The following HSPG2 variants were observed in gnomAD, a reference collection of about 807,000 sequenced individuals.
The protein encoded by HSPG2 is basement membrane-specific heparan sulfate proteoglycan core protein.
A neutral mutation model predicts 526.6 loss-of-function variants in HSPG2; 278 were observed. The observed-to-expected ratio is 0.53, with a 90% CI of 0.48 to 0.58. HSPG2 has a LOEUF of 0.58. Ranked by LOEUF, HSPG2 falls within the 20% of genes least tolerant of loss-of-function variation. The pLI is 0.00. For synonymous variants in HSPG2, 2,465 were observed against 2,555.4 expected (o/e 0.96, Z 1.07); for missense variants, 5,354 against 6,099.5 (o/e 0.88, Z 4.07).
At chr1:21,843,063 T>A (rs1428670535) in intron 66 of HSPG2, 142 bp from the exon 67 acceptor site, 2 of 1,079,052 alleles carry the variant, frequency 1.9e-6, no homozygotes, top group African/African-American at 3.1e-5. Context: ...AAGAAGGGTC[T>A]CCTTTCCCTG....
intron 91 of HSPG2, chr1:21,825,127 T>C (rs2097966639): frequency 5.6e-6 from 2 of 356,146 alleles, no homozygotes; most frequent in Admixed American, 8.1e-5. Flanking sequence ...TTTACACATA[T>C]TGCTGCTTTG....
intron 9 of HSPG2, among the ~76,000 whole-genome samples, chr1:21,886,616 C>A (rs188447397): frequency 1.6e-3 from 247 of 152,230 alleles, no homozygotes; most frequent in African/African-American, 5.5e-3. Context: ...TGTCAGGATG[C>A]CCGTAATGTC....
chr1:21,852,304 G>A (rs1408002007), intron 52 of HSPG2, 71 bp from the exon 53 acceptor site: 4 of 1,582,566 alleles, frequency 2.5e-6, no homozygotes, highest in Non-Finnish European at 2.6e-6. Context: ...TGCCCACCCT[G>A]CAGCTAGCTC....
chr1:21,838,937 C>A lies in HSPG2; in HGVS notation c.10038G>T (p.Arg3346Ser). The A allele has an allele frequency of 2.5e-6, 4 of 1,612,448 alleles. No homozygotes were observed. The highest frequency in any genetic ancestry group is 2.5e-6 in the Non-Finnish European group (3 of 1,179,126). Residue 3346 changes from arginine (R) to serine (S), a missense_variant, in exon 74 of 97, where the codon AGG becomes AGT. Transcript: ENST00000374695. ...GSSLPGRATA[R>S]NELLHFERAA... is the part of the protein sequence containing the mutation. ...CACGCTCAAAGTGCAGCAGCTCGTT[C>A]CTGGCGGTCGCCCTCCCAGGAAGGC...
chr1:21,855,672 C>T lies in HSPG2; in HGVS notation c.5705G>A (p.Gly1902Asp), dbSNP rs553885469. The T allele has an allele frequency of 3.2e-4, 504 of 1,576,774 alleles. 1 individual carries two copies. The highest frequency in any genetic ancestry group is 1.9e-4 in the Non-Finnish European group (220 of 1,164,092). Residue 1902 changes from glycine to aspartate, a missense_variant, in exon 46 of 97, where the codon GGC (glycine) becomes GAC (aspartate). By Grantham distance (94) the Gly-to-Asp change is moderately conservative. Transcript: ENST00000374695. The part of the protein sequence containing the change: ...SPTPTLEWTG[G>D]PGGQLPAKAQ... ...CTTCGCAGGGAGCTGGCCGCCGGGG[C>T]CCCCTGACGAGTAGACGTGGGGTCA...
chr1:21,840,096 C>T, intron 71 of HSPG2, 79 bp from the exon 72 acceptor site: 1 of 1,152,584 alleles, frequency 8.7e-7, no homozygotes, highest in Non-Finnish European at 1.3e-6. Context: ...GCTTGGTCTT[C>T]CCTATTTCCT....
chr1:21,887,194 G>A lies in HSPG2; in HGVS notation c.1078+21C>T, dbSNP rs749625114. 1.3e-6 allele frequency: 2 copies of A among 1,599,568 alleles called. No individual in the cohort carries two copies. Among genetic ancestry groups the A allele is most frequent in the Non-Finnish European group, 1.7e-6 (2 of 1,173,980 alleles). On this transcript the variant is annotated intron_variant, in intron 9 of 96. Coordinates refer to ENST00000374695, the MANE Select transcript of HSPG2 (RefSeq NM_005529.7). The surrounding 1 kb of genome is among the most constrained non-coding windows in gnomAD (Gnocchi z 5.0). The stretch of plus-strand genomic sequence containing the variant: ...GCCTGGGCAGGGCAAGGGGGCCTCA[G>A]CTGGACCCTCGGATACTCACGGCAG...
chr1:21,849,258 G>A (rs1638699260), intron 57 of HSPG2, among the ~76,000 whole-genome samples: 1 of 152,232 alleles, frequency 6.6e-6, no homozygotes, highest in South Asian at 2.1e-4. Flanking sequence ...TGGCACCAGA[G>A]AAAAGTGGGG....
At chr1:21,843,552 G>A in intron 65 of HSPG2, 114 bp from the exon 66 acceptor site, 1 of 1,119,728 alleles carries the variant, frequency 8.9e-7, no homozygotes, top group Non-Finnish European at 1.3e-6. Context: ...GCATCCTGTT[G>A]GAGGCGACCC....
In HSPG2 at chr1:21,848,962, C is replaced by A. The variant is rs1207382505; in HGVS notation, c.7516G>T (p.Val2506Phe). Residue 2506 changes from valine to phenylalanine, a missense_variant, in exon 58 of 97, where the codon GTC becomes TTC. Val to Phe is a conservative substitution (Grantham distance 50, BLOSUM62 -1). Transcript: ENST00000374695. The surrounding 1 kb of genome is among the most constrained non-coding windows in gnomAD (Gnocchi z 4.9). ...ADSGEYVCRVVGSSGTQEASV... is the reference protein window; with the variant it reads ...ADSGEYVCRVFGSSGTQEASV... The stretch of plus-strand genomic sequence containing the variant: ...GCTTCCTGGGTACCTGAGCTGCCGA[C>A]CACACGGCACACGTACTCCCCTGAA... 3 of 1,613,936 alleles carry A rather than the reference C, an allele frequency of 1.9e-6. No homozygotes were observed. The highest frequency in any genetic ancestry group is 1.7e-5 in the Admixed American group (1 of 60,006).
At chr1:21,908,624 A>C in intron 1 of HSPG2, 1 of 634,040 alleles carries the variant, frequency 1.6e-6, no homozygotes, top group Non-Finnish European at 2.8e-6. Context: ...TGTTAAAAAA[A>C]AAAAAGTGTT....
In HSPG2 at chr1:21,876,659, G is replaced by A; in HGVS notation, c.2686-7C>T. 1 of 1,614,166 alleles carries A rather than the reference G, an allele frequency of 6.2e-7. No homozygotes were observed. The highest frequency in any genetic ancestry group is 8.5e-7 in the Non-Finnish European group (1 of 1,180,004). On this transcript the variant is annotated splice_polypyrimidine_tract_variant and splice_region_variant and intron_variant, in intron 21 of 96. Coordinates refer to ENST00000374695, the MANE Select transcript of HSPG2 (RefSeq NM_005529.7). ...AGCGCCCCACCACATTGTTCTGCAG[G>A]CACAGAGTTGGAGCTGAAGGACAGC...
At chr1:21,837,083 C>T (rs1467114383) in intron 74 of HSPG2, 77 bp from the exon 75 acceptor site, 3 of 1,325,026 alleles carry the variant, frequency 2.3e-6, no homozygotes, top group Non-Finnish European at 3.1e-6. Context: ...ACCCAGGAAA[C>T]CCCCAGCCCA....
intron 85 of HSPG2, 56 bp from the exon 86 acceptor site, chr1:21,830,147 G>T: frequency 3.6e-6 from 5 of 1,390,682 alleles, no homozygotes; most frequent in Admixed American, 2.0e-5. Flanking sequence ...AGGGAGGGGG[G>T]TCCTGATGCC....
chr1:21,847,816 C>G lies in HSPG2; in HGVS notation c.7898G>C (p.Arg2633Thr), dbSNP rs1259124301. The G allele has an allele frequency of 6.2e-7, 1 of 1,613,922 alleles. No homozygotes were observed. Among genetic ancestry groups the G allele is most frequent in the African/African-American group, 1.3e-5 (1 of 75,030 alleles). Residue 2633 changes from arginine to threonine, a missense_variant, in exon 61 of 97, where the codon AGG becomes ACG. By Grantham distance (71) the Arg-to-Thr change is moderately conservative. Transcript: ENST00000374695. This position sits in a 1 kb window ranked among gnomAD's most constrained non-coding sequence, Gnocchi z 4.1. Reference protein sequence around the residue: ...SHVPSVSPPIRIESSSPTVVE... With the variant: ...SHVPSVSPPITIESSSPTVVE... ...CACCGTGGGGGAAGACGACTCGATC[C>G]TGATCGGTGGGGAGACGCTGGGCAC... is the stretch of plus-strand genomic sequence containing the variant.
rs3736355 is a variant in HSPG2, at chr1:21,831,196, G to A, written c.11562+19C>T. On this transcript the variant is annotated intron_variant, in intron 84 of 96. Coordinates refer to ENST00000374695, the MANE Select transcript of HSPG2 (RefSeq NM_005529.7). ...GTGGAGGCCACGGCAGCCAGGTGGTGTGTGGGGTGTGGGGTCACCTGGCAG... is the reference window on the plus strand; with the variant it reads ...GTGGAGGCCACGGCAGCCAGGTGGTATGTGGGGTGTGGGGTCACCTGGCAG... 1,277,677 of 1,609,004 alleles carry A rather than the reference G, an allele frequency of 0.79. 507,948 individuals carry two copies. Among genetic ancestry groups the A allele is most frequent in the Middle Eastern group, 0.84 (5,108 of 6,050 alleles).
chr1:21,905,869 G>A (rs1287960417), intron 1 of HSPG2, among the ~76,000 whole-genome samples: 1 of 152,198 alleles, frequency 6.6e-6, no homozygotes, highest in African/African-American at 2.4e-5. Context: ...AAATCAGCCC[G>A]TTGTGGTGGT....
In HSPG2 at chr1:21,851,777, G is replaced by A. The variant is rs1638920967; in HGVS notation, c.7006+14C>T. 2.5e-6 allele frequency: 4 copies of A among 1,613,996 alleles called. No individual in the cohort carries two copies. Among genetic ancestry groups the A allele is most frequent in the Non-Finnish European group, 3.4e-6 (4 of 1,180,034 alleles). On this transcript the variant is annotated intron_variant, in intron 54 of 96. Transcript: ENST00000374695. ...GTTCTCTGCATCCCAGCCCAGCCTG[G>A]TGGCCCCACTCACGGTAGGCTAAGT... is the stretch of plus-strand genomic sequence containing the variant.
intron 91 of HSPG2, among the ~76,000 whole-genome samples, chr1:21,826,914 C>T (rs2097978064): frequency 6.6e-6 from 1 of 152,038 alleles, no homozygotes. Flanking sequence ...GTGGCTTATG[C>T]CTGTAATCCA....
Sources: gnomAD v4.1 joint callset for allele counts (sites outside exome capture counted in the v4.1 genomes callset) on GRCh38, gnomAD v4.1.1 for gene constraint, Gnocchi (gnomAD v3.1) non-coding constraint, MANE v1.5 for transcripts, NCBI Gene and HGNC (gene_info 2026-07-23, HGNC 2026-07-21) for gene names.